Variants in FAM20C observed in about 807,000 individuals in gnomAD.
FAM20C encodes FAM20C golgi associated secretory pathway kinase.
Under a neutral mutation model 51.5 loss-of-function variants are expected in FAM20C, and 40 were observed. The ratio of observed to expected loss-of-function variants is 0.78; its 90% CI spans 0.60 to 1.01. The LOEUF (loss-of-function observed/expected upper bound fraction) is 1.01, where lower values mean the gene tolerates loss of function less well. FAM20C is among the 50% of genes least tolerant of loss of function. FAM20C has a pLI of 0.00. For missense variants in FAM20C, 861 were observed against 844.7 expected (o/e 1.02, Z -0.24); for synonymous variants, 406 against 380.6 (o/e 1.07, Z -0.78).
At chr7:258,162 A>G (rs878933216) in intron 8 of FAM20C, among the ~76,000 whole-genome samples, 6,769 of 28,862 alleles carry the variant, frequency 0.23, 1,537 homozygotes, top group Middle Eastern at 0.42. Context: ...GGAGATAGGC[A>G]GGGTGGACCC....
rs771341264 is a variant in FAM20C, at chr7:243,944, A to AATAATTATT, written c.864-2469_864-2468insAATTATTAT. Among the ~76,000 whole-genome samples the AATAATTATT allele has an allele frequency of 1.5e-3, 201 of 136,834 alleles. 1 individual carries two copies. Among genetic ancestry groups the AATAATTATT allele is most frequent in the Middle Eastern group, 0.011 (3 of 276 alleles). The allele number at this position is 136,834 out of a possible 152,430, so 89.8% of individuals were successfully genotyped here. A position where few individuals can be genotyped will look rare whatever the true frequency, so the allele number is the denominator to read the frequency against. On this transcript the variant is annotated intron_variant, in intron 3 of 9. Coordinates refer to ENST00000313766, the MANE Select transcript of FAM20C (RefSeq NM_020223.4). Reference sequence around the variant, plus strand: ...AAATAATAATAATAATAATAATAATAATTATTATTATTATTATTTGGAGAC... The same window carrying AATAATTATT: ...AAATAATAATAATAATAATAATAATAATAATTATTATTATTATTATTATTATTTGGAGAC...
intron 3 of FAM20C, among the ~76,000 whole-genome samples, chr7:217,837 C>A (rs1363383895): frequency 1.3e-5 from 2 of 152,166 alleles, no homozygotes; most frequent in African/African-American, 4.8e-5. Context: ...CTGGCTGGGG[C>A]TGGCCGTAAC....
chr7:223,025 G>A lies in FAM20C; in HGVS notation c.863+14049G>A, dbSNP rs147267652. Among the ~76,000 whole-genome samples the A allele has an allele frequency of 3.9e-5, 5 of 126,622 alleles. No homozygotes were observed. In the East Asian group the frequency reaches 9.6e-4, roughly 24 times the overall value. 83.1% of individuals were successfully genotyped at this position (126,622 alleles called of 152,430 possible). On this transcript the variant is annotated intron_variant, in intron 3 of 9. Coordinates refer to ENST00000313766, the MANE Select transcript of FAM20C (RefSeq NM_020223.4). ...TGGGCATCTGTACGTGTGTGTGCCCGTGCATGTGTATGTGAGGGCGTGTGT... is the reference window on the plus strand; with the variant it reads ...TGGGCATCTGTACGTGTGTGTGCCCATGCATGTGTATGTGAGGGCGTGTGT...
intron 3 of FAM20C, among the ~76,000 whole-genome samples, chr7:210,726 T>C (rs1232010184): frequency 6.6e-6 from 1 of 151,898 alleles, no homozygotes; most frequent in Non-Finnish European, 1.5e-5. Flanking sequence ...GAGAGCAGAG[T>C]GTTCCTGGGC....
intron 2 of FAM20C, among the ~76,000 whole-genome samples, chr7:205,804 T>C (rs1411969156): frequency 1.3e-5 from 2 of 151,948 alleles, no homozygotes; most frequent in Non-Finnish European, 2.9e-5. Context: ...GAGGATTCAG[T>C]GTCCTCGGGA....
At chr7:197,511 A>G (rs1245801471) in intron 2 of FAM20C, 1 of 166,894 alleles carries the variant, frequency 6.0e-6, no homozygotes, top group Non-Finnish European at 1.5e-5. Flanking sequence ...GCTTCTCTCC[A>G]GCTCATTTTC....
chr7:258,969 AG>A (rs1297149746), intron 9 of FAM20C, among the ~76,000 whole-genome samples: 1 of 152,182 alleles, frequency 6.6e-6, no homozygotes, highest in African/African-American at 2.4e-5. Flanking sequence ...CCAGTTACAG[AG>A]AGAGCTCGAG....
intron 3 of FAM20C, among the ~76,000 whole-genome samples, chr7:241,466 G>T (rs1041538546): frequency 3.3e-4 from 50 of 152,216 alleles, no homozygotes; most frequent in Admixed American, 3.1e-3. Flanking sequence ...AGCCAGCCCC[G>T]CTGCAAGGCT....
Position 214,508 on chromosome 7 carries a change from C to T in FAM20C, c.863+5532C>T, listed in dbSNP as rs181911732. ...GTTAGGCGAAGAGTGGTGCGGGAGG[C>T]GGTACCTGCACTTGGCACGGTCAGC... On this transcript the variant is annotated intron_variant, in intron 3 of 9. Coordinates refer to ENST00000313766, the MANE Select transcript of FAM20C (RefSeq NM_020223.4). Among the ~76,000 whole-genome samples the T allele has an allele frequency of 2.0e-4, 31 of 152,290 alleles. 1 individual carries two copies. Among genetic ancestry groups the T allele is most frequent in the South Asian group, 1.7e-3 (8 of 4,832 alleles).
At chr7:206,033 C>A (rs972751319) in intron 2 of FAM20C, among the ~76,000 whole-genome samples, 1 of 152,140 alleles carries the variant, frequency 6.6e-6, no homozygotes, top group Non-Finnish European at 1.5e-5. Context: ...CCGAGCTCCA[C>A]GCCCTCAGCA....
At chr7:252,719 C>T (rs1299981023) in intron 5 of FAM20C, among the ~76,000 whole-genome samples, 1 of 152,196 alleles carries the variant, frequency 6.6e-6, no homozygotes, top group Non-Finnish European at 1.5e-5. Flanking sequence ...GAGGCTGAGC[C>T]CCAGGCAGCC....
Position 208,960 on chromosome 7 carries a change from C to A in FAM20C, c.847C>A (p.Leu283Met), listed in dbSNP as rs1266112892. Residue 283 changes from leucine (L) to methionine (M), a missense_variant, in exon 3 of 10, where the codon CTG (leucine) becomes ATG (methionine). This residue lies in a region of FAM20C where 561 missense variants were observed against 499.8 expected (regional missense o/e 1.12). Transcript: ENST00000313766. ...GACCTTCCAGAATTACGGGCAAGCG[C>A]TGTTCAAACCCATGAAGTAAGTGCC... ...IMTFQNYGQA[L>M]FKPMKQTREQ... 1 of 1,584,450 alleles carries A rather than the reference C, an allele frequency of 6.3e-7. No homozygotes were observed. The highest frequency in any genetic ancestry group is 8.6e-7 in the Non-Finnish European group (1 of 1,165,338).
intron 5 of FAM20C, among the ~76,000 whole-genome samples, chr7:252,169 G>A (rs1583338494): frequency 6.6e-6 from 1 of 151,860 alleles, no homozygotes; most frequent in African/African-American, 2.4e-5. Context: ...GGAGCCAAGG[G>A]CACATCAGAG....
intron 2 of FAM20C, among the ~76,000 whole-genome samples, chr7:208,342 TTGTGTGTACTGTAGGG>T (rs1562369945): frequency 1.4e-5 from 2 of 146,938 alleles, no homozygotes; most frequent in African/African-American, 5.1e-5. Context: ...TAGGTGTGTG[TTGTGTGTACTGTAGGG>T]TGTGGTGTGT....
intron 2 of FAM20C, among the ~76,000 whole-genome samples, chr7:199,759 T>G (rs1035317802): frequency 6.6e-6 from 1 of 152,212 alleles, no homozygotes; most frequent in East Asian, 1.9e-4. Context: ...TGGGATATTA[T>G]CTACCTCTAT....
chr7:257,834 G>GCTGGGTGGACCCACTGCC (rs1788658557), intron 8 of FAM20C, among the ~76,000 whole-genome samples: 2 of 119,934 alleles, frequency 1.7e-5, no homozygotes, highest in African/African-American at 6.9e-5. Context: ...CTGGAGATGG[G>GCTGGGTGGACCCACTGCC]CAGGGTGGAC....
chr7:258,806 T>G, intron 9 of FAM20C, 101 bp downstream of exon 9: 3 of 1,178,330 alleles, frequency 2.5e-6, no homozygotes, highest in Non-Finnish European at 3.5e-6. Flanking sequence ...GGCCATCACA[T>G]GGGAGAGAAA....
intron 3 of FAM20C, among the ~76,000 whole-genome samples, chr7:232,025 C>T (rs773535240): frequency 1.3e-5 from 2 of 152,196 alleles, no homozygotes; most frequent in Admixed American, 6.5e-5. Flanking sequence ...CCGTCGGCCT[C>T]GTCGGGCTGT....
intron 2 of FAM20C, among the ~76,000 whole-genome samples, chr7:207,867 C>T (rs1786509927): frequency 6.6e-6 from 1 of 152,268 alleles, no homozygotes; most frequent in Admixed American, 6.5e-5. Flanking sequence ...CCCCGGAGCC[C>T]CCTTCCTTCT....
Sources: allele counts gnomAD v4.1 joint callset (sites outside exome capture counted in the v4.1 genomes callset), GRCh38; gene constraint gnomAD v4.1.1; regional missense constraint gnomAD v4.1.1; transcripts MANE v1.5; gene names NCBI Gene and HGNC (gene_info 2026-07-23, HGNC 2026-07-21).